The following UPF1 variants were observed in gnomAD, a reference collection of about 807,000 sequenced individuals.
The protein encoded by UPF1 is UPF1 RNA helicase and ATPase.
In UPF1, 9 loss-of-function variants were observed where a neutral mutation model predicts 129.2. The ratio of observed to expected loss-of-function variants is 0.07; its 90% confidence interval spans 0.04 to 0.12. UPF1 has a LOEUF of 0.12. Among genes scored for constraint, UPF1 ranks in the 10% least tolerant of loss-of-function variants. The pLI is 1.00. For missense variants in UPF1, 788 were observed against 1,525.3 expected (o/e 0.52, Z 8.05); for synonymous variants, 649 against 644.9 (o/e 1.01, Z -0.10).
At chr19:18,858,704 G>A (rs895031475) in intron 15 of UPF1, among the ~76,000 whole-genome samples, 2 of 152,122 alleles carry the variant, frequency 1.3e-5, no homozygotes, top group African/African-American at 4.8e-5. Context: ...GGACCCCAGG[G>A]CCCAGCTGCC....
At position 18,852,422 on chromosome 19, in the gene UPF1, G is replaced by A. The variant is rs1373668005; in HGVS notation, c.972+126G>A. ...GATGTGGGCTGCAGCCGCGACACCT[G>A]AGAGTTGGAACTTGCGGATCCGGGC... On this transcript the variant is annotated intron_variant, in intron 6 of 23. Transcript: ENST00000262803. 19 of 1,403,604 alleles carry A rather than the reference G, an allele frequency of 1.4e-5. No homozygotes were observed. The Admixed American group carries it at 2.1e-4, about 15-fold the overall frequency. The allele number at this position is 1,403,604 out of a possible 1,614,324, so 86.9% of individuals were successfully genotyped here.
Position 18,850,799 on chromosome 19 carries a change from C to T in UPF1, c.741C>T (p.Ser247=), listed in dbSNP as rs146140734. Residue 247 remains serine, a synonymous_variant, in exon 5 of 24, where the codon TCC becomes TCT. Transcript: ENST00000262803. This position sits in a 1 kb window ranked among gnomAD's most constrained non-coding sequence, Gnocchi z 7.1. ...TGTCCTGGCTGGTCAAGATCCCCTC[C>T]GAGCAGGAGCAGCTGCGGGCACGCC... ...CFLSWLVKIP[S]EQEQLRARQI... 177 of 1,610,420 alleles carry T rather than the reference C, an allele frequency of 1.1e-4. No individual in the cohort carries two copies. Among genetic ancestry groups the T allele is most frequent in the East Asian group, 6.5e-4 (29 of 44,738 alleles).
At chr19:18,842,933 G>A (rs2055556793) in intron 1 of UPF1, among the ~76,000 whole-genome samples, 2 of 151,850 alleles carry the variant, frequency 1.3e-5, no homozygotes, top group Admixed American at 1.3e-4. Context: ...GTTGCGGTGA[G>A]CCGAGATCGC....
chr19:18,866,201 A>C (rs2055842174), intron 23 of UPF1, 35 bp downstream of exon 23: 1 of 1,529,808 alleles, frequency 6.5e-7, no homozygotes. Context: ...GCCCCACCCC[A>C]GCCTCAAGGA....
intron 8 of UPF1, among the ~76,000 whole-genome samples, chr19:18,854,152 T>C (rs1217820001): frequency 1.3e-5 from 2 of 152,224 alleles, no homozygotes; most frequent in Non-Finnish European, 2.9e-5. Context: ...AGGGGTGTTG[T>C]TTCTGTGGAA....
chr19:18,855,551 A>G, intron 11 of UPF1: 1 of 521,722 alleles, frequency 1.9e-6, no homozygotes, highest in Non-Finnish European at 3.4e-6. Flanking sequence ...CAGCCTTGGC[A>G]TTGCTTGCGG....
intron 17 of UPF1, among the ~76,000 whole-genome samples, 168 bp from the exon 18 acceptor site, chr19:18,861,841 CA>C (rs1568282473): frequency 6.6e-6 from 1 of 152,122 alleles, no homozygotes; most frequent in Non-Finnish European, 1.5e-5. Context: ...AAAAAGAAAA[CA>C]AAACGAAATG....
Position 18,854,863 on chromosome 19 carries a change from C to T in UPF1, c.1266-16C>T. ...CCACAGCTGTGCGTGTCGCCAACCC[C>T]AAACCCTCCTCACAGGATGCAGAGC... On this transcript the variant is annotated splice_polypyrimidine_tract_variant and intron_variant, in intron 9 of 23. Transcript: ENST00000262803. 6.2e-7 allele frequency: 1 copy of T among 1,613,898 alleles called. No homozygotes were observed. Among genetic ancestry groups the T allele is most frequent in the Non-Finnish European group, 8.5e-7 (1 of 1,179,820 alleles).
In UPF1 at chr19:18,832,922, C is replaced by T. The variant is rs1204313980; in HGVS notation, c.231+482C>T. 1.3e-5 allele frequency among the ~76,000 whole-genome samples: 2 copies of T among 152,106 alleles called. No individual in the cohort carries two copies. The highest frequency in any genetic ancestry group is 2.9e-5 in the Non-Finnish European group (2 of 67,992). ...GTGACCTGCCCTGGTCCCTCTTTCG[C>T]AGGTCTCGGTATTCTGCCTCGAGTT... is the stretch of plus-strand genomic sequence containing the variant. On this transcript the variant is annotated intron_variant, in intron 1 of 23. Coordinates refer to ENST00000262803, the MANE Select transcript of UPF1 (RefSeq NM_002911.4). This position sits in a 1 kb window ranked among gnomAD's most constrained non-coding sequence, Gnocchi z 5.6.
Position 18,865,950 on chromosome 19 carries a change from G to C in UPF1, c.3238-94G>C. The C allele has an allele frequency of 6.3e-7, 1 of 1,595,826 alleles. No individual in the cohort carries two copies. Among genetic ancestry groups the C allele is most frequent in the Non-Finnish European group, 8.5e-7 (1 of 1,175,074 alleles). On this transcript the variant is annotated intron_variant, in intron 22 of 23. Transcript: ENST00000262803. This position sits in a 1 kb window ranked among gnomAD's most constrained non-coding sequence, Gnocchi z 6.1. ...TCTCCTGGGTCTTAGTTTGGGGACG[G>C]GTTTTCCATTCTTTTCTCTGGGGCT...
chr19:18,854,865 A>G lies in UPF1; in HGVS notation c.1266-14A>G. The G allele has an allele frequency of 6.2e-7, 1 of 1,613,928 alleles. No individual in the cohort carries two copies. Among genetic ancestry groups the G allele is most frequent in the Non-Finnish European group, 8.5e-7 (1 of 1,179,852 alleles). ...ACAGCTGTGCGTGTCGCCAACCCCAAACCCTCCTCACAGGATGCAGAGCGC... is the reference window on the plus strand; with the variant it reads ...ACAGCTGTGCGTGTCGCCAACCCCAGACCCTCCTCACAGGATGCAGAGCGC... On this transcript the variant is annotated splice_polypyrimidine_tract_variant and intron_variant, in intron 9 of 23. Transcript: ENST00000262803.
At chr19:18,845,413 A>T (rs1358706979) in intron 1 of UPF1, among the ~76,000 whole-genome samples, 1 of 152,170 alleles carries the variant, frequency 6.6e-6, no homozygotes, top group Non-Finnish European at 1.5e-5. Flanking sequence ...TGCTGAACAT[A>T]GAAGAGGCGC....
intron 1 of UPF1, among the ~76,000 whole-genome samples, chr19:18,843,521 T>TC (rs1287357096): frequency 2.7e-5 from 4 of 147,262 alleles, no homozygotes; most frequent in East Asian, 3.9e-4. Flanking sequence ...TTTCTTTGTT[T>TC]TTTTTTTTTT....
rs906277921 is a variant in UPF1 at position 18,832,652 on chromosome 19, G to T, written c.231+212G>T. On this transcript the variant is annotated intron_variant, in intron 1 of 23. Transcript: ENST00000262803. This position sits in a 1 kb window ranked among gnomAD's most constrained non-coding sequence, Gnocchi z 5.6. ...GCCCGGGCCTGGCCTGATCTGCCCC[G>T]GGTCCCCCGCTCCGGCCGCGACCTG... Among the ~76,000 whole-genome samples, 4 of 152,136 alleles carry T rather than the reference G, an allele frequency of 2.6e-5. No homozygotes were observed. The highest frequency in any genetic ancestry group is 2.0e-4 in the Admixed American group (3 of 15,284).
intron 19 of UPF1, 57 bp downstream of exon 19, chr19:18,863,669 G>T: frequency 1.3e-6 from 2 of 1,556,416 alleles, no homozygotes; most frequent in Non-Finnish European, 1.7e-6. Context: ...CCAAAACACT[G>T]CTGGGAACGT....
intron 6 of UPF1, 137 bp from the exon 7 acceptor site, chr19:18,852,850 G>A (rs2055675494): frequency 2.9e-6 from 2 of 700,574 alleles, no homozygotes; most frequent in Admixed American, 2.5e-5. Context: ...ATTTGGGGCT[G>A]CAGGTGCCAC....
chr19:18,866,389 C>T, intron 23 of UPF1, 132 bp from the exon 24 acceptor site: 3 of 565,012 alleles, frequency 5.3e-6, no homozygotes, highest in East Asian at 3.6e-5. Context: ...CGGGGACCAC[C>T]GCGGGACCTC....
chr19:18,860,311 C>A lies in UPF1; in HGVS notation c.2183-10C>A, dbSNP rs918090351. The A allele has an allele frequency of 3.1e-6, 5 of 1,611,994 alleles. No individual in the cohort carries two copies. In the African/African-American group the frequency reaches 6.7e-5, roughly 22 times the overall value. ...CTTTTGAAGTGTTACTTCTTTCCCT[C>A]CCCTCACAGCGGATCGTGTGAAGAA... On this transcript the variant is annotated splice_polypyrimidine_tract_variant and intron_variant, in intron 15 of 23. Coordinates refer to ENST00000262803, the MANE Select transcript of UPF1 (RefSeq NM_002911.4).
In UPF1 at chr19:18,852,173, G is replaced by A. The variant is rs751317622; in HGVS notation, c.849G>A (p.Pro283=). The A allele has an allele frequency of 6.2e-6, 10 of 1,612,914 alleles. No individual in the cohort carries two copies. Among genetic ancestry groups the A allele is most frequent in the Middle Eastern group, 1.7e-4 (1 of 6,030 alleles). ...PSATLEDLEK[P]GVDEEPQHVL... is the part of the protein sequence containing the mutation. Reference sequence around the variant, plus strand: ...CCACGCTGGAGGACCTGGAGAAGCCGGGGGTGGACGAGGAGCCGCAGCATG... The same window carrying A: ...CCACGCTGGAGGACCTGGAGAAGCCAGGGGTGGACGAGGAGCCGCAGCATG... The change falls in exon 6 of 24, where the codon CCG becomes CCA. Residue 283 remains proline, a synonymous_variant. Coordinates refer to ENST00000262803, the MANE Select transcript of UPF1 (RefSeq NM_002911.4).
Sources: allele counts gnomAD v4.1 joint callset (sites outside exome capture counted in the v4.1 genomes callset), GRCh38; gene constraint gnomAD v4.1.1; non-coding constraint Gnocchi (gnomAD v3.1); transcripts MANE v1.5; gene names NCBI Gene and HGNC (gene_info 2026-07-23, HGNC 2026-07-21).